The following PLD5 variants were observed in gnomAD, a reference collection of about 807,000 sequenced individuals.
PLD5 encodes the protein inactive phospholipase D5.
PLD5 carries 36 observed loss-of-function variants against 61.1 expected under a neutral mutation model. The ratio of observed to expected loss-of-function variants is 0.59; its 90% confidence interval spans 0.45 to 0.78. PLD5 has a LOEUF of 0.78. Among genes scored for constraint, PLD5 ranks in the 30% least tolerant of loss-of-function variants. PLD5 has a pLI of 0.00. For synonymous variants in PLD5, 243 were observed against 242.8 expected, an observed-to-expected ratio of 1.00 and a Z score of -0.01; for missense variants, 515 against 644.4, an observed-to-expected ratio of 0.80 and a Z score of 2.17.
chr1:242,460,109 G>A (rs1667070997), intron 1 of PLD5, among the ~76,000 whole-genome samples: 1 of 152,116 alleles, frequency 6.6e-6, no homozygotes, highest in South Asian at 2.1e-4. Context: ...AGAAATTACT[G>A]ACACACACAC....
At chr1:242,261,286 G>A (rs185546462) in intron 4 of PLD5, among the ~76,000 whole-genome samples, 5 of 152,092 alleles carry the variant, frequency 3.3e-5, no homozygotes, top group East Asian at 1.9e-4. Flanking sequence ...TTTTTTAAAC[G>A]AACGACCCTC....
At chr1:242,373,447 T>A (rs573111840) in intron 1 of PLD5, among the ~76,000 whole-genome samples, 2 of 152,206 alleles carry the variant, frequency 1.3e-5, no homozygotes, top group East Asian at 1.9e-4. Flanking sequence ...ATCCCATTAC[T>A]GGGTATATAC....
chr1:242,240,370 A>G (rs1239607536), intron 4 of PLD5, among the ~76,000 whole-genome samples: 4 of 152,174 alleles, frequency 2.6e-5, no homozygotes, highest in Non-Finnish European at 5.9e-5. Context: ...TTCCTTTAAT[A>G]TGGTTAATGA....
At chr1:242,461,439 T>A (rs192260222) in intron 1 of PLD5, among the ~76,000 whole-genome samples, 57 of 152,332 alleles carry the variant, frequency 3.7e-4, no homozygotes, top group Non-Finnish European at 4.4e-4. Context: ...GGGATTGCAA[T>A]CATGTTAATA....
Position 242,232,869 on chromosome 1 carries a change from G to A in PLD5, c.608-12754C>T, listed in dbSNP as rs116118542. ...AATAAAATAAACTAAGAAATAAAAG[G>A]TTTGGCTGGGTGCGGTGGCTCACAC... On this transcript the variant is annotated intron_variant, in intron 4 of 9. Coordinates refer to ENST00000536534, the MANE Select transcript of PLD5 (RefSeq NM_001372062.1). Among the ~76,000 whole-genome samples, 879 of 151,514 alleles carry A rather than the reference G, an allele frequency of 5.8e-3. 7 individuals are homozygous for A. Among genetic ancestry groups the A allele is most frequent in the Non-Finnish European group, 9.6e-3 (654 of 67,862 alleles).
intron 1 of PLD5, among the ~76,000 whole-genome samples, chr1:242,487,987 T>A (rs1038546470): frequency 6.6e-6 from 1 of 152,300 alleles, no homozygotes. Flanking sequence ...AGCTGTTTTT[T>A]AAAACATGTA....
At chr1:242,166,378 C>A (rs928518373) in intron 5 of PLD5, among the ~76,000 whole-genome samples, 2 of 152,230 alleles carry the variant, frequency 1.3e-5, no homozygotes, top group African/African-American at 4.8e-5. Context: ...CTGTTTAGGA[C>A]AGGGTGGCTA....
chr1:242,255,779 A>G lies in PLD5; in HGVS notation c.607+9558T>C, dbSNP rs544314819. On this transcript the variant is annotated intron_variant, in intron 4 of 9. Coordinates refer to ENST00000536534, the MANE Select transcript of PLD5 (RefSeq NM_001372062.1). ...ATCACATTTAGAATTCAACAGAAAG[A>G]ATTCAGCAGCTCCCTGTCCTTTTTA... Among the ~76,000 whole-genome samples, 152 of 152,266 alleles carry G rather than the reference A, an allele frequency of 1.0e-3. 1 individual carries two copies. The highest frequency in any genetic ancestry group is 3.5e-3 in the African/African-American group (144 of 41,562).
At chr1:242,467,688 C>T (rs1242902751) in intron 1 of PLD5, among the ~76,000 whole-genome samples, 2 of 152,140 alleles carry the variant, frequency 1.3e-5, no homozygotes, top group Non-Finnish European at 2.9e-5. Context: ...TAAACAGAAC[C>T]GGCGTTCCTA....
At chr1:242,441,740 C>T (rs1268996521) in intron 1 of PLD5, among the ~76,000 whole-genome samples, 7 of 152,120 alleles carry the variant, frequency 4.6e-5, no homozygotes, top group Admixed American at 3.9e-4. Context: ...GGCAGGGGAG[C>T]CACCGAGCCC....
At chr1:242,123,785 A>G (rs1238355434) in intron 6 of PLD5, among the ~76,000 whole-genome samples, 1 of 152,238 alleles carries the variant, frequency 6.6e-6, no homozygotes, top group Non-Finnish European at 1.5e-5. Flanking sequence ...CTGTAGGCCC[A>G]GATATTTACA....
At chr1:242,303,528 G>A (rs771032720) in intron 2 of PLD5, among the ~76,000 whole-genome samples, 7 of 152,198 alleles carry the variant, frequency 4.6e-5, no homozygotes, top group Admixed American at 1.3e-4. Context: ...TAGGGCCTCC[G>A]AACTGTACTT....
intron 2 of PLD5, among the ~76,000 whole-genome samples, chr1:242,302,714 G>T (rs1676131208): frequency 6.6e-6 from 1 of 152,176 alleles, no homozygotes; most frequent in Non-Finnish European, 1.5e-5. Context: ...GCAAGACTCT[G>T]CCTGTAAAAA....
intron 2 of PLD5, among the ~76,000 whole-genome samples, chr1:242,307,361 GGTGA>G (rs1558449717): frequency 1.6e-4 from 24 of 152,086 alleles, no homozygotes; most frequent in African/African-American, 5.3e-4. Context: ...TGATGATGAT[GGTGA>G]TGATGATGAT....
chr1:242,302,681 T>C (rs1332322459), intron 2 of PLD5, among the ~76,000 whole-genome samples: 1 of 152,226 alleles, frequency 6.6e-6, no homozygotes, highest in Non-Finnish European at 1.5e-5. Flanking sequence ...ATCGTGCCAC[T>C]GCACTCTAGC....
chr1:242,492,102 C>T (rs1198077633), intron 1 of PLD5, among the ~76,000 whole-genome samples: 2 of 152,154 alleles, frequency 1.3e-5, no homozygotes, highest in African/African-American at 4.8e-5. Flanking sequence ...AGCAAACAGT[C>T]TCTTATGAGG....
At chr1:242,174,764 C>G (rs1667005061) in intron 5 of PLD5, among the ~76,000 whole-genome samples, 1 of 151,864 alleles carries the variant, frequency 6.6e-6, no homozygotes, top group South Asian at 2.1e-4. Flanking sequence ...ATGGATGAAG[C>G]TGGAAACCAT....
At position 242,524,203 on chromosome 1, in the gene PLD5, C is replaced by T. The variant is rs1265280339; in HGVS notation, c.74G>A (p.Arg25His). Residue 25 changes from arginine (R) to histidine (H), a missense_variant, in exon 1 of 10, where the codon CGC becomes CAC. Around this residue, in one of 2 missense-constraint regions of PLD5, gnomAD observed 65 missense variants for 46.3 expected, o/e 1.40. Coordinates refer to ENST00000536534, the MANE Select transcript of PLD5 (RefSeq NM_001372062.1). The part of the protein sequence containing the change: ...EGFEQMRLKS[R>H]PKEPSPSLTR... ...CAGGCTTGGGGAGGGCTCCTTGGGGCGGCTTTTGAGCCTCATCTGCTCGAA... is the reference window on the plus strand; with the variant it reads ...CAGGCTTGGGGAGGGCTCCTTGGGGTGGCTTTTGAGCCTCATCTGCTCGAA... 2 of 1,533,382 alleles carry T rather than the reference C, an allele frequency of 1.3e-6. No individual in the cohort carries two copies. Among genetic ancestry groups the T allele is most frequent in the African/African-American group, 2.7e-5 (2 of 72,790 alleles). The allele number at this position is 1,533,382 out of a possible 1,614,324, so 95.0% of individuals were successfully genotyped here.
intron 4 of PLD5, among the ~76,000 whole-genome samples, chr1:242,247,163 T>C (rs920211105): frequency 2.0e-5 from 3 of 152,076 alleles, no homozygotes; most frequent in Non-Finnish European, 1.5e-5. Flanking sequence ...TTTGTATTTT[T>C]AGTAGAGACG....
Sources: allele counts gnomAD v4.1 joint callset (sites outside exome capture counted in the v4.1 genomes callset), GRCh38; gene constraint gnomAD v4.1.1; regional missense constraint gnomAD v4.1.1; transcripts MANE v1.5; gene names NCBI Gene and HGNC (gene_info 2026-07-23, HGNC 2026-07-21).